GTF3C1: variants seen among roughly 807,000 people sequenced by gnomAD.
GTF3C1 encodes general transcription factor IIIC subunit 1, also known as general transcription factor 3C polypeptide 1.
Under a neutral mutation model 226.7 loss-of-function variants are expected in GTF3C1, and 57 were observed. The ratio of observed to expected loss-of-function variants is 0.25; its 90% confidence interval spans 0.20 to 0.31. The LOEUF is 0.31. Ranked by LOEUF, GTF3C1 falls within the 10% of genes least tolerant of loss-of-function variation. The pLI, the probability that GTF3C1 is intolerant of heterozygous loss-of-function variation, is 1.00. For synonymous variants in GTF3C1, 1,090 were observed against 1,084.8 expected (o/e 1.00, Z -0.09); for missense variants, 2,217 against 2,776.1 (o/e 0.80, Z 4.53).
intron 4 of GTF3C1, among the ~76,000 whole-genome samples, chr16:27,534,566 G>GTT (rs2088971640): frequency 6.6e-6 from 1 of 152,246 alleles, no homozygotes; most frequent in African/African-American, 2.4e-5. Flanking sequence ...GGCAACGGTG[G>GTT]TTCAAAGAGG....
chr16:27,463,483 C>T lies in GTF3C1; in HGVS notation c.5924+58G>A, dbSNP rs573789041. 36 of 942,702 alleles carry T rather than the reference C, an allele frequency of 3.8e-5. No homozygotes were observed. The highest frequency in any genetic ancestry group is 5.8e-5 in the Non-Finnish European group (33 of 573,352). The allele number at this position is 942,702 out of a possible 1,614,324, so 58.4% of individuals were successfully genotyped here. On this transcript the variant is annotated intron_variant, in intron 35 of 36. Transcript: ENST00000356183. The surrounding 1 kb of genome is among the most constrained non-coding windows in gnomAD (Gnocchi z 4.9). ...TCAAAGACCCTCACACAAATCCTTA[C>T]ACTCGGTCCCTGTCAAGAGCCCCGC...
chr16:27,484,015 C>T (rs2088097026), intron 25 of GTF3C1, among the ~76,000 whole-genome samples, 196 bp downstream of exon 25: 1 of 152,210 alleles, frequency 6.6e-6, no homozygotes, highest in African/African-American at 2.4e-5. Flanking sequence ...TAAGCAATAC[C>T]TTGCATGGGA....
chr16:27,493,410 T>C (rs2088262650), intron 16 of GTF3C1, 114 bp from the exon 17 acceptor site: 2 of 660,312 alleles, frequency 3.0e-6, no homozygotes, highest in Non-Finnish European at 5.6e-6. Flanking sequence ...ACCTGCCCAC[T>C]GGGCTCTCCT....
intron 12 of GTF3C1, 30 bp downstream of exon 12, chr16:27,501,161 G>A (rs767156829): frequency 6.3e-7 from 1 of 1,588,710 alleles, no homozygotes; most frequent in South Asian, 1.1e-5. Context: ...CACGAGGCTG[G>A]CTCTGGGCAT....
rs773634860 is a variant in GTF3C1 at position 27,484,242 on chromosome 16, C to T, written c.3970G>A (p.Val1324Ile). The T allele has an allele frequency of 1.9e-6, 3 of 1,609,434 alleles. No homozygotes were observed. The Admixed American group carries it at 5.0e-5, about 27-fold the overall frequency. The stretch of plus-strand genomic sequence containing the variant: ...TTGAGATAGGCCTGTGGGTTTTTGA[C>T]TATGTAGCGAGCTCTTCGTCCAACG... ...HSVGRRARYI[V>I]KNPQAYLNYK... Residue 1324 changes from valine (V) to isoleucine (I), a missense_variant, in exon 25 of 37, where the codon GTC (valine) becomes ATC (isoleucine). Val to Ile is a conservative substitution (Grantham distance 29, BLOSUM62 3). Around this residue, in one of 12 missense-constraint regions of GTF3C1, gnomAD observed 546 missense variants for 663.0 expected, o/e 0.82. Coordinates refer to ENST00000356183, the MANE Select transcript of GTF3C1 (RefSeq NM_001520.4).
In GTF3C1 at chr16:27,493,281, C is replaced by T. The variant is rs1338282162; in HGVS notation, c.2794G>A (p.Glu932Lys). 3 of 1,602,506 alleles carry T rather than the reference C, an allele frequency of 1.9e-6. No homozygotes were observed. The highest frequency in any genetic ancestry group is 3.3e-5 in the Admixed American group (2 of 60,008). Reference protein sequence around the residue: ...QVSYKVDNLEEFLNDPLKKHT... With the variant: ...QVSYKVDNLEKFLNDPLKKHT... ...TTCTTCAGCGGGTCGTTCAGAAATT[C>T]CTCCAGGTTGTCCACCTGAAGAGGT... Residue 932 changes from glutamate to lysine, a missense_variant, in exon 17 of 37, where the codon GAA (glutamate) becomes AAA (lysine). Physicochemically the swap from Glu to Lys is moderately conservative, Grantham distance 56. Around this residue, in one of 12 missense-constraint regions of GTF3C1, gnomAD observed 353 missense variants for 411.7 expected, o/e 0.86. Coordinates refer to ENST00000356183, the MANE Select transcript of GTF3C1 (RefSeq NM_001520.4).
intron 33 of GTF3C1, 81 bp from the exon 34 acceptor site, chr16:27,464,917 T>G: frequency 8.3e-7 from 1 of 1,207,318 alleles, no homozygotes; most frequent in Non-Finnish European, 1.1e-6. Context: ...TGGAGTGGCC[T>G]CCCCTGACTG....
At chr16:27,520,441 G>GT (rs1256647163) in intron 6 of GTF3C1, among the ~76,000 whole-genome samples, 1 of 151,956 alleles carries the variant, frequency 6.6e-6, no homozygotes, top group Non-Finnish European at 1.5e-5. Context: ...TCATCTTGAT[G>GT]TTTTTTCTAC....
chr16:27,504,150 A>G (rs2088449659), intron 10 of GTF3C1, among the ~76,000 whole-genome samples: 2 of 152,200 alleles, frequency 1.3e-5, no homozygotes, highest in Non-Finnish European at 2.9e-5. Context: ...GCCTCCCTGC[A>G]AACAGTTGGT....
In GTF3C1 at chr16:27,463,299, G is replaced by A. The variant is rs1241765676; in HGVS notation, c.5924+242C>T. Reference sequence around the variant, plus strand: ...GCACCAGGCATGGTTCTCCACCAGCGCCCTGGGCATTCTGGAAGCGCAGCC... The same window carrying A: ...GCACCAGGCATGGTTCTCCACCAGCACCCTGGGCATTCTGGAAGCGCAGCC... On this transcript the variant is annotated intron_variant, in intron 35 of 36. Coordinates refer to ENST00000356183, the MANE Select transcript of GTF3C1 (RefSeq NM_001520.4). This position sits in a 1 kb window ranked among gnomAD's most constrained non-coding sequence, Gnocchi z 4.9. 1.1e-5 allele frequency: 6 copies of A among 546,946 alleles called. No homozygotes were observed. Among genetic ancestry groups the A allele is most frequent in the East Asian group, 3.2e-5 (1 of 31,296 alleles). 33.9% of individuals were successfully genotyped at this position (546,946 alleles called of 1,614,324 possible).
intron 1 of GTF3C1, 68 bp from the exon 2 acceptor site, chr16:27,545,591 C>G (rs1567418895): frequency 2.3e-6 from 2 of 882,230 alleles, no homozygotes; most frequent in Non-Finnish European, 3.8e-6. Flanking sequence ...TGGCTGTGTT[C>G]TTTTGACAAC....
chr16:27,491,251 A>G (rs1442586635), intron 19 of GTF3C1, among the ~76,000 whole-genome samples: 3 of 152,152 alleles, frequency 2.0e-5, no homozygotes, highest in Non-Finnish European at 4.4e-5. Context: ...AGAAGGGAGG[A>G]GCGGAATGGA....
intron 27 of GTF3C1, among the ~76,000 whole-genome samples, chr16:27,479,909 T>G (rs2088013225): frequency 6.6e-6 from 1 of 152,162 alleles, no homozygotes; most frequent in African/African-American, 2.4e-5. Context: ...CTTTTATGAT[T>G]AAAAATTGTG....
chr16:27,484,190 C>T lies in GTF3C1; in HGVS notation c.4001+21G>A, dbSNP rs777639570. 13 of 1,566,290 alleles carry T rather than the reference C, an allele frequency of 8.3e-6. No homozygotes were observed. In the Admixed American group the frequency reaches 1.0e-4, roughly 12 times the overall value. On this transcript the variant is annotated intron_variant, in intron 25 of 36. Coordinates refer to ENST00000356183, the MANE Select transcript of GTF3C1 (RefSeq NM_001520.4). Reference sequence around the variant, plus strand: ...ATAACGTAACCGTGTCCCGGAGTGACGGGGCTTCAATGAGGCTTACTTATA... The same window carrying T: ...ATAACGTAACCGTGTCCCGGAGTGATGGGGCTTCAATGAGGCTTACTTATA...
chr16:27,463,856 C>A lies in GTF3C1; in HGVS notation c.5873-264G>T. ...CATTGCAGGAAGCCAGCGAACACCT[C>A]ATTTTCCACCCAGAAGCCCCGACCA... On this transcript the variant is annotated intron_variant, in intron 34 of 36. Transcript: ENST00000356183. The surrounding 1 kb of genome is among the most constrained non-coding windows in gnomAD (Gnocchi z 4.9). 3 of 479,338 alleles carry A rather than the reference C, an allele frequency of 6.3e-6. No individual in the cohort carries two copies. The highest frequency in any genetic ancestry group is 1.1e-5 in the Non-Finnish European group (3 of 272,268). The allele number at this position is 479,338 out of a possible 1,614,324, so 29.7% of individuals were successfully genotyped here.
At chr16:27,477,550 C>G (rs537139976) in intron 28 of GTF3C1, among the ~76,000 whole-genome samples, 1 of 152,190 alleles carries the variant, frequency 6.6e-6, no homozygotes, top group Admixed American at 6.5e-5. Context: ...GGTGATCCGC[C>G]GGCAGCGCCC....
Position 27,464,360 on chromosome 16 carries a change from G to A in GTF3C1, c.5832C>T (p.Ser1944=), listed in dbSNP as rs372969625. Residue 1944 remains serine (S), a synonymous_variant, in exon 34 of 37, where the codon AGC becomes AGT. Coordinates refer to ENST00000356183, the MANE Select transcript of GTF3C1 (RefSeq NM_001520.4). ...AGCCCTCTGGAGGCTGCGCCTGGCC[G>A]CTCAGCTGCTCTTGGCCTGGGGAAC... ...EFSSPGQEQL[S]GQAQPPEGSE... 13 of 1,553,032 alleles carry A rather than the reference G, an allele frequency of 8.4e-6. No homozygotes were observed. Among genetic ancestry groups the A allele is most frequent in the South Asian group, 3.7e-5 (3 of 80,526 alleles).
chr16:27,523,920 C>T (rs1294948467), intron 6 of GTF3C1, among the ~76,000 whole-genome samples: 2 of 152,178 alleles, frequency 1.3e-5, no homozygotes, highest in Non-Finnish European at 2.9e-5. Context: ...AACATCCTGA[C>T]CGTCATCATC....
intron 27 of GTF3C1, 55 bp downstream of exon 27, chr16:27,481,024 G>C: frequency 7.1e-7 from 1 of 1,410,194 alleles, no homozygotes. Flanking sequence ...GACAGGGCTG[G>C]CCTTTTCTTC....
Sources: gnomAD v4.1 joint callset for allele counts (sites outside exome capture counted in the v4.1 genomes callset) on GRCh38, gnomAD v4.1.1 for gene constraint, gnomAD v4.1.1 regional missense constraint, Gnocchi (gnomAD v3.1) non-coding constraint, MANE v1.5 for transcripts, NCBI Gene and HGNC (gene_info 2026-07-23, HGNC 2026-07-21) for gene names.